SBF2: variants seen among roughly 807,000 people sequenced by gnomAD.
SBF2 encodes the protein myotubularin-related protein 13.
A neutral mutation model predicts 225.2 loss-of-function variants in SBF2; 112 were observed. The observed-to-expected ratio is 0.50, with a 90% confidence interval of 0.43 to 0.58. SBF2 has a LOEUF of 0.58. SBF2 is among the 20% of genes least tolerant of loss of function. SBF2 has a pLI of 0.00. For synonymous variants in SBF2, 763 were observed against 773.3 expected (o/e 0.99, Z 0.22); for missense variants, 1,996 against 2,206.2 (o/e 0.90, Z 1.91).
intron 32 of SBF2, among the ~76,000 whole-genome samples, chr11:9,800,234 C>G (rs1853406289): frequency 6.6e-6 from 1 of 150,784 alleles, no homozygotes; most frequent in Non-Finnish European, 1.5e-5. Context: ...AAGATTCCAT[C>G]CTAAAGGAAA....
chr11:10,224,389 T>A (rs1958458891), intron 1 of SBF2, among the ~76,000 whole-genome samples: 1 of 152,058 alleles, frequency 6.6e-6, no homozygotes, highest in East Asian at 1.9e-4. Flanking sequence ...CATCCATAAT[T>A]CTCACAACAG....
rs1191281096 is a variant in SBF2 at position 9,808,026 on chromosome 11, A to G, written c.4417T>C (p.Leu1473=). 1 of 1,614,200 alleles carries G rather than the reference A, an allele frequency of 6.2e-7. No individual in the cohort carries two copies. Among genetic ancestry groups the G allele is most frequent in the Non-Finnish European group, 8.5e-7 (1 of 1,180,034 alleles). The change falls in exon 32 of 40, where the codon TTA becomes CTA. Residue 1473 remains leucine, a synonymous_variant. Transcript: ENST00000256190. ...TGGTGTACACAGTCTAAGAACTGTA[A>G]GAAGACTGGAGCAAAACCACTCCCC... The part of the protein sequence containing the change: ...CQGSGFAPVF[L]QFLDCVHQVH...
intron 2 of SBF2, 22 bp from the exon 3 acceptor site, chr11:10,043,003 A>C (rs1174856389): frequency 8.1e-6 from 13 of 1,610,082 alleles, no homozygotes; most frequent in Non-Finnish European, 1.1e-5. Flanking sequence ...AGAAAAAAAA[A>C]TGTAACATTT....
At chr11:9,789,946 C>T (rs147279737) in intron 34 of SBF2, among the ~76,000 whole-genome samples, 358 of 152,308 alleles carry the variant, frequency 2.4e-3, no homozygotes, top group Non-Finnish European at 3.5e-3. Flanking sequence ...TCTTGTACTG[C>T]TCACCTCCAT....
intron 2 of SBF2, among the ~76,000 whole-genome samples, chr11:10,124,162 A>G (rs1953624110): frequency 6.6e-6 from 1 of 152,078 alleles, no homozygotes; most frequent in African/African-American, 2.4e-5. Flanking sequence ...GACAGTTTGT[A>G]TTTTTTTGGT....
intron 2 of SBF2, among the ~76,000 whole-genome samples, chr11:10,099,917 CAA>C (rs962582850): frequency 3.3e-5 from 5 of 151,498 alleles, no homozygotes; most frequent in Admixed American, 6.6e-5. Flanking sequence ...ATGAAAAACA[CAA>C]AAGAGGAAGA....
intron 2 of SBF2, among the ~76,000 whole-genome samples, chr11:10,188,880 A>T (rs1957051205): frequency 6.6e-6 from 1 of 152,184 alleles, no homozygotes; most frequent in Non-Finnish European, 1.5e-5. Flanking sequence ...TAACTTTTAA[A>T]ATCCTTTTTA....
Position 9,850,170 on chromosome 11 carries a change from CACAG to C in SBF2, c.2655_2658del (p.Cys886ArgfsTer49), listed in dbSNP as rs1249209712. On this transcript the variant is annotated frameshift_variant, in exon 22 of 40. Transcript: ENST00000256190. LOFTEE classifies it high-confidence loss of function. ...GGATCCAGCAAGACTCGAAGACCCTCACAGACAATTTCTTCTCCTGGCAGCAGAG... is the reference window on the plus strand; with the variant it reads ...GGATCCAGCAAGACTCGAAGACCCTCACAATTTCTTCTCCTGGCAGCAGAG... 1 of 1,614,044 alleles carries C rather than the reference CACAG, an allele frequency of 6.2e-7. No homozygotes were observed. Among genetic ancestry groups the C allele is most frequent in the African/African-American group, 1.3e-5 (1 of 75,060 alleles).
chr11:10,007,327 G>A (rs937854785), intron 6 of SBF2, among the ~76,000 whole-genome samples: 2 of 151,826 alleles, frequency 1.3e-5, no homozygotes, highest in Non-Finnish European at 2.9e-5. Context: ...CACAGAACAC[G>A]CCCCTCAGAT....
chr11:10,272,430 T>C (rs1319099548), intron 1 of SBF2, among the ~76,000 whole-genome samples: 2 of 152,158 alleles, frequency 1.3e-5, no homozygotes, highest in Admixed American at 6.5e-5. Flanking sequence ...GAGCCACAAG[T>C]ACAAACAACC....
intron 16 of SBF2, among the ~76,000 whole-genome samples, chr11:9,948,826 CT>C (rs1294829904): frequency 6.6e-6 from 1 of 152,164 alleles, no homozygotes; most frequent in Non-Finnish European, 1.5e-5. Context: ...TAGCTTTCTC[CT>C]TTTCCATATT....
intron 2 of SBF2, among the ~76,000 whole-genome samples, chr11:10,162,724 T>A (rs763803037): frequency 6.6e-6 from 1 of 152,190 alleles, no homozygotes; most frequent in African/African-American, 2.4e-5. Context: ...ATTTAAAACA[T>A]TGAATGAACA....
At chr11:10,097,964 T>G (rs926362307) in intron 2 of SBF2, among the ~76,000 whole-genome samples, 6 of 150,150 alleles carry the variant, frequency 4.0e-5, no homozygotes, top group Non-Finnish European at 7.4e-5. Flanking sequence ...GAGAAAAGGG[T>G]GGGGACTCAA....
intron 16 of SBF2, among the ~76,000 whole-genome samples, chr11:9,955,124 T>C: frequency 6.6e-6 from 1 of 152,050 alleles, no homozygotes; most frequent in East Asian, 1.9e-4. Context: ...ATTATAAAAG[T>C]AATACATGCT....
At chr11:10,168,122 CATT>C (rs1956048704) in intron 2 of SBF2, among the ~76,000 whole-genome samples, 1 of 152,162 alleles carries the variant, frequency 6.6e-6, no homozygotes, top group Admixed American at 6.5e-5. Context: ...AATTTACTAA[CATT>C]ATGGTTAGTA....
At chr11:9,853,966 A>G (rs1249840300) in intron 19 of SBF2, among the ~76,000 whole-genome samples, 1 of 152,176 alleles carries the variant, frequency 6.6e-6, no homozygotes, top group African/African-American at 2.4e-5. Flanking sequence ...TTGTTTCTGT[A>G]AGGAATACCT....
chr11:9,872,394 T>C (rs1036153711), intron 17 of SBF2, among the ~76,000 whole-genome samples: 2 of 152,160 alleles, frequency 1.3e-5, no homozygotes, highest in Non-Finnish European at 2.9e-5. Flanking sequence ...CAAACTACCT[T>C]GGCATACATT....
chr11:9,813,652 A>AC (rs1295889657), intron 29 of SBF2, among the ~76,000 whole-genome samples: 2 of 152,174 alleles, frequency 1.3e-5, no homozygotes, highest in Non-Finnish European at 2.9e-5. Flanking sequence ...AATAATAAAA[A>AC]ATTACATGGT....
intron 2 of SBF2, among the ~76,000 whole-genome samples, chr11:10,111,164 A>C (rs1952819921): frequency 6.6e-6 from 1 of 152,232 alleles, no homozygotes; most frequent in African/African-American, 2.4e-5. Context: ...GAATATTTTA[A>C]ATTTAGTAAC....
Sources: gnomAD v4.1 joint callset for allele counts (sites outside exome capture counted in the v4.1 genomes callset) on GRCh38, gnomAD v4.1.1 for gene constraint, MANE v1.5 for transcripts, NCBI Gene and HGNC (gene_info 2026-07-23, HGNC 2026-07-21) for gene names.